Variants in RBM26 observed in about 807,000 individuals in gnomAD.
RBM26 encodes RNA binding motif protein 26.
A neutral mutation model predicts 123.6 loss-of-function variants in RBM26; 30 were observed. The observed-to-expected ratio is 0.24, with a 90% CI of 0.18 to 0.33. The LOEUF (loss-of-function observed/expected upper bound fraction) is 0.33. Among genes scored for constraint, RBM26 ranks in the 10% least tolerant of loss-of-function variants. The pLI is 1.00. For missense variants in RBM26, 947 were observed against 1,203.6 expected (o/e 0.79, Z 3.15); for synonymous variants, 400 against 404.4 (o/e 0.99, Z 0.13).
exon 5 of RBM26, chr13:79,313,404 A>C (rs2066956711): frequency 6.6e-6 from 1 of 151,814 alleles, no homozygotes. Flanking sequence ...CAAACCAAAC[A>C]AAAACTCCAG....
chr13:79,316,509 C>CT (rs2067168164), downstream of RBM26, among the ~76,000 whole-genome samples: 1 of 151,754 alleles, frequency 6.6e-6, no homozygotes. Context: ...CTTAGCCACA[C>CT]TTTCTACAGG....
chr13:79,359,210 C>A (rs938437035), intron 10 of RBM26, among the ~76,000 whole-genome samples: 2 of 152,150 alleles, frequency 1.3e-5, no homozygotes, highest in Admixed American at 6.5e-5. Context: ...GCAGGAACTG[C>A]CTACATATGA....
At chr13:79,367,432 A>AAAAAAAAAAAAAAAAAT (rs1566476253) in intron 6 of RBM26, among the ~76,000 whole-genome samples, 3 of 42,728 alleles carry the variant, frequency 7.0e-5, no homozygotes, top group Non-Finnish European at 1.6e-4. Context: ...AAAAAAAAAA[A>AAAAAAAAAAAAAAAAAT]GAAGAAGAAG....
intron 14 of RBM26, among the ~76,000 whole-genome samples, chr13:79,349,626 G>A (rs1234344452): frequency 6.6e-6 from 1 of 150,458 alleles, no homozygotes; most frequent in African/African-American, 2.4e-5. Context: ...ATAATCCTGA[G>A]AGGCCACTGA....
Position 79,405,828 on chromosome 13 carries a change from C to CTA in RBM26, c.-56_-55dup. On this transcript the variant is annotated 5_prime_UTR_variant, in exon 1 of 22. Coordinates refer to ENST00000438737, the MANE Select transcript of RBM26 (RefSeq NM_001366735.2). ...CCTCCGCCCGCCCAGGTCGCGGCCG[C>CTA]TACAGCCGCCGCTGCCCCCGCCCCC... is the stretch of plus-strand genomic sequence containing the variant. 2 of 1,198,538 alleles carry CTA rather than the reference C, an allele frequency of 1.7e-6. No individual in the cohort carries two copies. Among genetic ancestry groups the CTA allele is most frequent in the Non-Finnish European group, 2.3e-6 (2 of 876,560 alleles). 74.2% of individuals were successfully genotyped at this position (1,198,538 alleles called of 1,614,324 possible).
At chr13:79,344,145 T>C in intron 16 of RBM26, 103 bp downstream of exon 16, 1 of 784,498 alleles carries the variant, frequency 1.3e-6, no homozygotes, top group South Asian at 1.4e-5. Flanking sequence ...TGTTTTACCA[T>C]TACCAATTAT....
chr13:79,375,139 TAATA>T (rs2076567682), intron 3 of RBM26, among the ~76,000 whole-genome samples: 1 of 72,924 alleles, frequency 1.4e-5, no homozygotes, highest in African/African-American at 5.6e-5. Flanking sequence ...TAAAAATAAA[TAATA>T]TATATTATTC....
At chr13:79,405,283 G>A (rs773700989) in intron 1 of RBM26, among the ~76,000 whole-genome samples, 36 of 152,132 alleles carry the variant, frequency 2.4e-4, no homozygotes, top group Admixed American at 5.2e-4. Flanking sequence ...TTGCTTTCAG[G>A]AATTATATTT....
At chr13:79,356,385 C>CAAAAAAAAAAAAAAAAAAAAAAAAA (rs1290686538) in intron 11 of RBM26, among the ~76,000 whole-genome samples, 2 of 12,392 alleles carry the variant, frequency 1.6e-4, no homozygotes, top group African/African-American at 3.4e-4. Flanking sequence ...AAAAAAAAAA[C>CAAAAAAAAAAAAAAAAAAAAAAAAA]AAACAAAAAA....
Position 79,372,822 on chromosome 13 carries a change from A to ATATGATATATATTTAT in RBM26, c.328-893_328-892insATAAATATATATCATA, listed in dbSNP as rs2076070230. On this transcript the variant is annotated intron_variant, in intron 3 of 21. Coordinates refer to ENST00000438737, the MANE Select transcript of RBM26 (RefSeq NM_001366735.2). ...TAATTATATGATATATATTTATAAT[A>ATATGATATATATTTAT]AATATTTTATATAAATATATTATAT... Among the ~76,000 whole-genome samples, 2 of 104,828 alleles carry ATATGATATATATTTAT rather than the reference A, an allele frequency of 1.9e-5. 1 individual carries two copies. The highest frequency in any genetic ancestry group is 3.3e-5 in the Non-Finnish European group (2 of 60,502). The allele number at this position is 104,828 out of a possible 152,430, so 68.8% of individuals were successfully genotyped here.
rs1002049245 is a variant in RBM26, at chr13:79,369,600, G to T, written c.635-610C>A. On this transcript the variant is annotated intron_variant, in intron 5 of 21. Transcript: ENST00000438737. ...AACAGAATACAGGGCTTATACAAAG[G>T]CCATAAATAGTATTAAGAGTAGCAA... Among the ~76,000 whole-genome samples the T allele has an allele frequency of 5.3e-5, 8 of 152,230 alleles. No individual in the cohort carries two copies. The East Asian group carries it at 5.8e-4, about 11-fold the overall frequency.
downstream of RBM26, chr13:79,314,115 C>G (rs2066980791): frequency 6.6e-6 from 1 of 151,626 alleles, no homozygotes; most frequent in African/African-American, 2.4e-5. Context: ...TAATCAGATT[C>G]TTTATAAGTA....
chr13:79,374,836 C>T (rs1000711164), intron 3 of RBM26, among the ~76,000 whole-genome samples: 2 of 151,684 alleles, frequency 1.3e-5, no homozygotes, highest in African/African-American at 2.4e-5. Context: ...TTCAACAATT[C>T]TGAAAGATCA....
chr13:79,381,434 T>TAAG (rs1361987825), intron 1 of RBM26, among the ~76,000 whole-genome samples: 3 of 7,942 alleles, frequency 3.8e-4, no homozygotes, highest in African/African-American at 6.7e-4. Context: ...TTATGATACA[T>TAAG]AATAATATTA....
At chr13:79,352,443 C>G (rs2073375406) in intron 14 of RBM26, among the ~76,000 whole-genome samples, 1 of 142,658 alleles carries the variant, frequency 7.0e-6, no homozygotes, top group Admixed American at 7.1e-5. Flanking sequence ...AAATCAAAGA[C>G]AAAGTATTTA....
intron 20 of RBM26, among the ~76,000 whole-genome samples, chr13:79,333,798 T>A (rs1388012085): frequency 6.6e-6 from 1 of 152,202 alleles, no homozygotes; most frequent in Non-Finnish European, 1.5e-5. Context: ...AAGGTAACTT[T>A]ACTAAGAGTA....
At chr13:79,312,183 A>G (rs1414623126) in exon 5 of RBM26, 2 of 152,226 alleles carry the variant, frequency 1.3e-5, no homozygotes, top group East Asian at 3.9e-4. Context: ...TCCAGTCTCC[A>G]GACAAGAAGA....
chr13:79,403,060 AGAGGTC>A (rs2079185880), intron 1 of RBM26, among the ~76,000 whole-genome samples: 1 of 152,034 alleles, frequency 6.6e-6, no homozygotes, highest in Non-Finnish European at 1.5e-5. Flanking sequence ...TCTCTCAAAC[AGAGGTC>A]GTTTGGTAAT....
chr13:79,318,132 G>A (rs2067315146), downstream of RBM26, among the ~76,000 whole-genome samples: 1 of 151,396 alleles, frequency 6.6e-6, no homozygotes, highest in South Asian at 2.1e-4. Flanking sequence ...ACTGGCGAAT[G>A]ACCAAGTAGT....
Sources: allele counts gnomAD v4.1 joint callset (sites outside exome capture counted in the v4.1 genomes callset), GRCh38; gene constraint gnomAD v4.1.1; transcripts MANE v1.5; gene names NCBI Gene and HGNC (gene_info 2026-07-23, HGNC 2026-07-21).